The following PDE10A variants were observed in gnomAD, a reference collection of about 807,000 sequenced individuals.
PDE10A encodes the protein phosphodiesterase 10A.
A neutral mutation model predicts 97.7 loss-of-function variants in PDE10A; 39 were observed. The ratio of observed to expected loss-of-function variants is 0.40; its 90% CI spans 0.31 to 0.52. The LOEUF is 0.52. Ranked by LOEUF, PDE10A falls within the 20% of genes least tolerant of loss-of-function variation. The pLI, the probability that PDE10A is intolerant of heterozygous loss-of-function variation, is 0.56. For missense variants in PDE10A, 731 were observed against 1,047.8 expected, an observed-to-expected ratio of 0.70 and a Z score of 4.17; for synonymous variants, 371 against 376.8, an observed-to-expected ratio of 0.98 and a Z score of 0.18.
At chr6:165,709,321 C>CT (rs1791823746) in intron 1 of PDE10A, among the ~76,000 whole-genome samples, 2 of 142,850 alleles carry the variant, frequency 1.4e-5, no homozygotes, top group African/African-American at 2.6e-5. Flanking sequence ...TCCCCCCACT[C>CT]CACCGCTATG....
chr6:165,528,996 C>T (rs1243452932), intron 2 of PDE10A, among the ~76,000 whole-genome samples: 2 of 152,190 alleles, frequency 1.3e-5, no homozygotes, highest in African/African-American at 2.4e-5. Flanking sequence ...CACTCACCAT[C>T]ACCCCTAGTG....
chr6:165,765,469 G>T (rs538259606), intron 1 of PDE10A, among the ~76,000 whole-genome samples: 1 of 152,258 alleles, frequency 6.6e-6, no homozygotes, highest in South Asian at 2.1e-4. Flanking sequence ...ATCGAGCGCA[G>T]CGCCGGTGGG....
chr6:165,734,202 C>A (rs2128451690), intron 1 of PDE10A, among the ~76,000 whole-genome samples: 1 of 152,298 alleles, frequency 6.6e-6, no homozygotes, highest in South Asian at 2.1e-4. Flanking sequence ...TAACATGGAT[C>A]TGAATCCCAA....
chr6:165,823,524 A>ATATATAGATATATATATG (rs72442429), intron 1 of PDE10A, among the ~76,000 whole-genome samples: 1 of 79,484 alleles, frequency 1.3e-5, no homozygotes, highest in Non-Finnish European at 2.8e-5. Context: ...ATATATATAT[A>ATATATAGATATATATATG]TGAACCTTAA....
chr6:165,548,498 A>G (rs1009478440), intron 1 of PDE10A, among the ~76,000 whole-genome samples: 4 of 151,968 alleles, frequency 2.6e-5, no homozygotes, highest in African/African-American at 9.7e-5. Context: ...GATTTTTCTG[A>G]CTTTATCCCT....
chr6:165,538,896 C>A (rs1241460602), intron 2 of PDE10A, among the ~76,000 whole-genome samples: 1 of 152,088 alleles, frequency 6.6e-6, no homozygotes, highest in African/African-American at 2.4e-5. Context: ...AGGGTACCAG[C>A]TGGAGGAAAT....
At chr6:165,927,758 A>G (rs1321096916) in intron 1 of PDE10A, among the ~76,000 whole-genome samples, 1 of 147,574 alleles carries the variant, frequency 6.8e-6, no homozygotes, top group African/African-American at 2.5e-5. Flanking sequence ...GTGCAGTGGC[A>G]CCATCTCGGC....
chr6:165,789,855 G>A lies in PDE10A; in HGVS notation c.-615+197674C>T, dbSNP rs372472668. Among the ~76,000 whole-genome samples, 6 of 151,996 alleles carry A rather than the reference G, an allele frequency of 3.9e-5. No homozygotes were observed. The East Asian group carries it at 1.2e-3, about 29-fold the overall frequency. On this transcript the variant is annotated intron_variant, in intron 1 of 19. Coordinates refer to the PDE10A transcript ENST00000366882. ...GAAAAAATATATATGGTTTACTCATGGTCACTATAATATTGATAGTTTGAC... is the reference window on the plus strand; with the variant it reads ...GAAAAAATATATATGGTTTACTCATAGTCACTATAATATTGATAGTTTGAC...
At chr6:165,500,038 A>G (rs1349454316) in intron 2 of PDE10A, among the ~76,000 whole-genome samples, 2 of 152,216 alleles carry the variant, frequency 1.3e-5, no homozygotes, top group Admixed American at 6.5e-5. Flanking sequence ...GAACAAGGCA[A>G]GAGCATCTGA....
intron 1 of PDE10A, among the ~76,000 whole-genome samples, chr6:165,704,546 T>TC (rs1562694167): frequency 6.6e-6 from 1 of 152,152 alleles, no homozygotes; most frequent in Non-Finnish European, 1.5e-5. Context: ...CCACTGAAAC[T>TC]CTGTAGAGAG....
intron 1 of PDE10A, among the ~76,000 whole-genome samples, chr6:165,621,783 G>T (rs1303123192): frequency 1.3e-5 from 2 of 150,736 alleles, no homozygotes; most frequent in Non-Finnish European, 2.9e-5. Context: ...AGAAGAAGAA[G>T]AAGAAACACA....
chr6:165,943,330 A>AGAAAGAAAG, intron 1 of PDE10A, among the ~76,000 whole-genome samples: 1 of 45,746 alleles, frequency 2.2e-5, no homozygotes, highest in South Asian at 6.3e-4. Context: ...AAAGAAAGAA[A>AGAAAGAAAG]AAGAAAGAAA....
intron 2 of PDE10A, among the ~76,000 whole-genome samples, chr6:165,495,340 G>T (rs1175838453): frequency 1.3e-5 from 2 of 151,854 alleles, no homozygotes; most frequent in Non-Finnish European, 2.9e-5. Flanking sequence ...AGAAGGAGAG[G>T]GGGTGGAGGG....
intron 1 of PDE10A, among the ~76,000 whole-genome samples, chr6:165,849,404 A>G (rs1360416441): frequency 6.6e-6 from 1 of 152,190 alleles, no homozygotes; most frequent in Non-Finnish European, 1.5e-5. Flanking sequence ...AGGAGATTAC[A>G]ACTGAAATGT....
intron 3 of PDE10A, among the ~76,000 whole-genome samples, chr6:165,479,530 T>C (rs1779482489): frequency 6.6e-6 from 1 of 152,160 alleles, no homozygotes; most frequent in African/African-American, 2.4e-5. Flanking sequence ...AATAAGCCAA[T>C]AAGCACCCTC....
chr6:165,693,267 A>G (rs755547121), intron 1 of PDE10A, among the ~76,000 whole-genome samples: 21 of 152,164 alleles, frequency 1.4e-4, no homozygotes, highest in Non-Finnish European at 2.6e-4. Context: ...ACGGTGGCTC[A>G]CGCCTGTAAT....
intron 1 of PDE10A, among the ~76,000 whole-genome samples, chr6:165,632,415 A>G (rs1788677058): frequency 6.6e-6 from 1 of 152,092 alleles, no homozygotes; most frequent in Non-Finnish European, 1.5e-5. Context: ...CCTGAGGACA[A>G]ACAGTGAGAC....
rs1442545062 is a variant in PDE10A at position 165,436,604 on chromosome 6, G to T, written c.1195-1227C>A. On this transcript the variant is annotated intron_variant, in intron 5 of 21. Coordinates refer to ENST00000539869, the MANE Select transcript of PDE10A (RefSeq NM_001385079.1). The stretch of plus-strand genomic sequence containing the variant: ...ATAGGGCTGTGCTTAAATTGTATTT[G>T]CTATTAAGTACGATGCATGTGAAAA... 3.9e-5 allele frequency among the ~76,000 whole-genome samples: 6 copies of T among 152,170 alleles called. No individual in the cohort carries two copies. The East Asian group carries it at 1.2e-3, about 29-fold the overall frequency.
At chr6:165,950,889 T>C (rs1783934744) in intron 1 of PDE10A, among the ~76,000 whole-genome samples, 1 of 152,202 alleles carries the variant, frequency 6.6e-6, no homozygotes, top group East Asian at 1.9e-4. Flanking sequence ...GGGGTACACG[T>C]TGGGAGATCT....
Sources: allele counts gnomAD v4.1 joint callset (sites outside exome capture counted in the v4.1 genomes callset), GRCh38; gene constraint gnomAD v4.1.1; transcripts MANE v1.5; gene names NCBI Gene and HGNC (gene_info 2026-07-23, HGNC 2026-07-21).